Variants in SYT16 observed in about 807,000 individuals in gnomAD.
The protein encoded by SYT16 is synaptotagmin 16, also known as synaptotagmin-16.
In SYT16, 42 loss-of-function variants were observed where a neutral mutation model predicts 61.4. The observed-to-expected ratio is 0.68, with a 90% CI of 0.53 to 0.89. The LOEUF (loss-of-function observed/expected upper bound fraction) is 0.89. Among genes scored for constraint, SYT16 ranks in the 40% least tolerant of loss-of-function variants. SYT16 has a pLI of 0.00. For synonymous variants in SYT16, 314 were observed against 302.3 expected, an observed-to-expected ratio of 1.04 and a Z score of -0.40; for missense variants, 804 against 807.3, an observed-to-expected ratio of 1.00 and a Z score of 0.05.
intron 1 of SYT16, among the ~76,000 whole-genome samples, chr14:61,913,704 T>TTGTGTGTGTGTGTGTGTGTGTGTG (rs56758661): frequency 2.7e-5 from 4 of 145,758 alleles, no homozygotes; most frequent in Admixed American, 6.8e-5. Context: ...CTTTGGGTCT[T>TTGTGTGTGTGTGTGTGTGTGTGTG]TGTGTGTGTG....
chr14:61,969,815 G>A (rs1566725982), intron 1 of SYT16, among the ~76,000 whole-genome samples: 2 of 152,158 alleles, frequency 1.3e-5, no homozygotes, highest in Non-Finnish European at 2.9e-5. Flanking sequence ...TCTTAATTGT[G>A]TGTTTGAAGT....
At chr14:62,079,111 G>A (rs1047298513) in intron 5 of SYT16, among the ~76,000 whole-genome samples, 2 of 152,186 alleles carry the variant, frequency 1.3e-5, no homozygotes, top group Non-Finnish European at 2.9e-5. Flanking sequence ...AGAGACAAGG[G>A]AGTTTGAGAG....
At chr14:62,052,080 T>A (rs905067377) in intron 3 of SYT16, among the ~76,000 whole-genome samples, 3 of 152,200 alleles carry the variant, frequency 2.0e-5, no homozygotes, top group African/African-American at 7.2e-5. Context: ...AATACCTGCT[T>A]TTATCTTTTA....
intron 7 of SYT16, among the ~76,000 whole-genome samples, chr14:62,096,250 CTA>C (rs1028183325): frequency 4.6e-5 from 7 of 151,968 alleles, no homozygotes; most frequent in African/African-American, 1.7e-4. Context: ...CTGCAACTGA[CTA>C]TAAATGAAGC....
chr14:62,073,483 C>T (rs567952876), intron 4 of SYT16, among the ~76,000 whole-genome samples: 1 of 152,194 alleles, frequency 6.6e-6, no homozygotes, highest in African/African-American at 2.4e-5. Context: ...TTTTGTGTGG[C>T]CTGTTTTTAG....
chr14:62,066,267 C>G (rs959683678), intron 3 of SYT16, among the ~76,000 whole-genome samples: 1 of 152,192 alleles, frequency 6.6e-6, no homozygotes, highest in Non-Finnish European at 1.5e-5. Context: ...TCTGATTCTC[C>G]AGCACTATGA....
At chr14:61,871,479 G>A (rs1566641232) in intron 1 of SYT16, among the ~76,000 whole-genome samples, 1 of 152,124 alleles carries the variant, frequency 6.6e-6, no homozygotes, top group Non-Finnish European at 1.5e-5. Flanking sequence ...ACTCTGTTCT[G>A]GGTCTGTTTG....
At chr14:62,071,468 GA>G (rs1434745426) in intron 4 of SYT16, among the ~76,000 whole-genome samples, 1 of 152,128 alleles carries the variant, frequency 6.6e-6, no homozygotes, top group Non-Finnish European at 1.5e-5. Flanking sequence ...GATGGTGATA[GA>G]AAAGGTTAAA....
chr14:61,989,951 C>T (rs749393304), intron 2 of SYT16, among the ~76,000 whole-genome samples: 40 of 152,064 alleles, frequency 2.6e-4, no homozygotes, highest in Non-Finnish European at 3.5e-4. Flanking sequence ...GTACTGTATC[C>T]GTATTTTTGC....
At chr14:61,947,306 G>GTA (rs1412920645) in intron 1 of SYT16, among the ~76,000 whole-genome samples, 3 of 148,856 alleles carry the variant, frequency 2.0e-5, no homozygotes, top group African/African-American at 7.7e-5. Flanking sequence ...GTGTGTGTGT[G>GTA]TGTGTTTGTG....
rs370659247 is a variant in SYT16 at position 62,100,730 on chromosome 14, G to A, written c.*23G>A. 1 of 1,600,844 alleles carries A rather than the reference G, an allele frequency of 6.2e-7. No individual in the cohort carries two copies. Among genetic ancestry groups the A allele is most frequent in the Non-Finnish European group, 8.5e-7 (1 of 1,173,536 alleles). ...TAGGTTTGCTAACCTGCATTTGTGTGCTGTGTCCACCTTGGTTACCTGTGT... is the reference window on the plus strand; with the variant it reads ...TAGGTTTGCTAACCTGCATTTGTGTACTGTGTCCACCTTGGTTACCTGTGT... On this transcript the variant is annotated 3_prime_UTR_variant, in exon 8 of 8. Transcript: ENST00000683842.
intron 1 of SYT16, among the ~76,000 whole-genome samples, chr14:61,830,823 G>A (rs1328248920): frequency 1.3e-5 from 2 of 152,164 alleles, no homozygotes; most frequent in African/African-American, 2.4e-5. Context: ...GGGCAGGAAT[G>A]GTCAACAGAG....
chr14:61,849,277 T>C (rs959509407), intron 1 of SYT16, among the ~76,000 whole-genome samples: 7 of 151,856 alleles, frequency 4.6e-5, no homozygotes, highest in South Asian at 4.2e-4. Context: ...CTGCCTGGAG[T>C]TGGGGGAGGG....
intron 1 of SYT16, among the ~76,000 whole-genome samples, chr14:61,847,650 C>G (rs1367243270): frequency 1.3e-5 from 2 of 151,990 alleles, no homozygotes; most frequent in African/African-American, 4.8e-5. Flanking sequence ...AACTTTCTAC[C>G]CTTGTATCTC....
At chr14:61,874,660 T>C (rs1400922683) in intron 1 of SYT16, among the ~76,000 whole-genome samples, 1 of 152,148 alleles carries the variant, frequency 6.6e-6, no homozygotes, top group East Asian at 1.9e-4. Flanking sequence ...TTTGGGACCA[T>C]AAAGTAGACA....
rs144289564 is a variant in SYT16, at chr14:61,990,928, T to C, written c.-144-4948T>C. Among the ~76,000 whole-genome samples the C allele has an allele frequency of 6.6e-3, 1,012 of 152,340 alleles. 15 individuals are homozygous for C. Among genetic ancestry groups the C allele is most frequent in the African/African-American group, 0.023 (954 of 41,582 alleles). ...TACAGAAACACAACTCTTTAATATT[T>C]ACTGCTTAGTCATTTCCTATGTACA... On this transcript the variant is annotated intron_variant, in intron 2 of 7. Coordinates refer to ENST00000683842, the MANE Select transcript of SYT16 (RefSeq NM_001367656.1).
chr14:61,877,642 C>T (rs895550007), intron 1 of SYT16, among the ~76,000 whole-genome samples: 3 of 152,266 alleles, frequency 2.0e-5, no homozygotes, highest in African/African-American at 4.8e-5. Flanking sequence ...CATAGAAACG[C>T]TTAAGCATGG....
chr14:62,065,571 T>C (rs1465441222), intron 3 of SYT16, among the ~76,000 whole-genome samples: 1 of 152,200 alleles, frequency 6.6e-6, no homozygotes, highest in Non-Finnish European at 1.5e-5. Flanking sequence ...TGGAAAGATA[T>C]CCATGCATTG....
At chr14:61,996,615 T>A in intron 3 of SYT16, 73 bp downstream of exon 3, 1 of 1,502,196 alleles carries the variant, frequency 6.7e-7, no homozygotes. Flanking sequence ...TTGACTTGTT[T>A]TTAGTTATCA....
Sources: allele counts gnomAD v4.1 joint callset (sites outside exome capture counted in the v4.1 genomes callset), GRCh38; gene constraint gnomAD v4.1.1; transcripts MANE v1.5; gene names NCBI Gene and HGNC (gene_info 2026-07-23, HGNC 2026-07-21).